Variants in PCDH15 observed in about 807,000 individuals in gnomAD.
PCDH15 encodes the protein protocadherin-15.
In PCDH15, 129 loss-of-function variants were observed where a neutral mutation model predicts 178.5. The ratio of observed to expected loss-of-function variants is 0.72; its 90% confidence interval spans 0.63 to 0.84. The LOEUF (loss-of-function observed/expected upper bound fraction) is 0.84. Ranked by LOEUF, PCDH15 falls within the 40% of genes least tolerant of loss-of-function variation. The pLI, the probability that PCDH15 is intolerant of heterozygous loss-of-function variation, is 0.00. For synonymous variants in PCDH15, 800 were observed against 732.0 expected (o/e 1.09, Z -1.50); for missense variants, 2,230 against 2,099.9 (o/e 1.06, Z -1.21).
chr10:55,295,440 T>A (rs1032619077), intron 1 of PCDH15, among the ~76,000 whole-genome samples: 2 of 152,206 alleles, frequency 1.3e-5, no homozygotes, highest in East Asian at 3.9e-4. Context: ...AAACCAGCAA[T>A]GTGATTAATA....
intron 8 of PCDH15, 94 bp downstream of exon 8, chr10:54,317,177 C>T: frequency 7.3e-7 from 1 of 1,361,746 alleles, no homozygotes; most frequent in Non-Finnish European, 1.0e-6. Context: ...CTGAGTTTTG[C>T]TATTATAAAT....
chr10:55,618,808 A>G (rs1031328178), intron 2 of PCDH15, among the ~76,000 whole-genome samples: 1 of 152,044 alleles, frequency 6.6e-6, no homozygotes, highest in Admixed American at 6.6e-5. Flanking sequence ...AAAAAGGCCT[A>G]TGAGATATCA....
At chr10:54,873,823 A>C (rs1177315730) in intron 3 of PCDH15, among the ~76,000 whole-genome samples, 1 of 149,052 alleles carries the variant, frequency 6.7e-6, no homozygotes, top group South Asian at 2.1e-4. Context: ...TAAGAAAAAT[A>C]ATAATTTAAT....
intron 13 of PCDH15, among the ~76,000 whole-genome samples, chr10:54,183,107 G>A (rs2048150102): frequency 6.6e-6 from 1 of 151,952 alleles, no homozygotes; most frequent in East Asian, 1.9e-4. Context: ...TCAGCCTCCT[G>A]AGTAGCTGGG....
chr10:54,976,849 A>G (rs1025214870), intron 2 of PCDH15, among the ~76,000 whole-genome samples: 1 of 152,132 alleles, frequency 6.6e-6, no homozygotes, highest in Non-Finnish European at 1.5e-5. Flanking sequence ...TTTAGGGAGG[A>G]ACTGTTATCC....
chr10:54,391,224 C>CA (rs1263986219), intron 3 of PCDH15, among the ~76,000 whole-genome samples: 6 of 152,176 alleles, frequency 3.9e-5, no homozygotes, highest in Admixed American at 3.9e-4. Context: ...TCTATACCTG[C>CA]ACTCATCCCA....
At chr10:54,295,376 TA>T (rs2059685747) in intron 8 of PCDH15, among the ~76,000 whole-genome samples, 2 of 152,264 alleles carry the variant, frequency 1.3e-5, no homozygotes, top group South Asian at 4.1e-4. Flanking sequence ...AATAAGGGAA[TA>T]AAAGCTGGCC....
At chr10:54,970,423 A>T (rs1335603885) in intron 2 of PCDH15, among the ~76,000 whole-genome samples, 2 of 152,188 alleles carry the variant, frequency 1.3e-5, no homozygotes, top group Non-Finnish European at 2.9e-5. Context: ...TCAGAAGAAA[A>T]GGAAAGCTGT....
At chr10:54,239,432 T>TATATAG (rs1554853331) in intron 8 of PCDH15, among the ~76,000 whole-genome samples, 3 of 150,560 alleles carry the variant, frequency 2.0e-5, no homozygotes, top group African/African-American at 7.3e-5. Context: ...TATATATATA[T>TATATAG]AGAGTAAGAA....
rs554885770 is a variant in PCDH15 at position 54,669,577 on chromosome 10, C to T, written c.-28-5287G>A. On this transcript the variant is annotated intron_variant, in intron 1 of 37. Transcript: ENST00000644397. ...TTTGCAATTTAAATTCAAGGGGTTC[C>T]GTTGTAGCTAATTTGAGGTAAGTTT... Among the ~76,000 whole-genome samples, 8 of 149,288 alleles carry T rather than the reference C, an allele frequency of 5.4e-5. No homozygotes were observed. The East Asian group carries it at 1.6e-3, about 29-fold the overall frequency.
chr10:54,936,298 CTTCT>C (rs1354438753), intron 2 of PCDH15, among the ~76,000 whole-genome samples: 1 of 151,992 alleles, frequency 6.6e-6, no homozygotes, highest in Admixed American at 6.6e-5. Context: ...GAACATTTGG[CTTCT>C]TTCTACTTTT....
At chr10:54,076,644 G>T (rs2094347606) in intron 17 of PCDH15, among the ~76,000 whole-genome samples, 1 of 151,752 alleles carries the variant, frequency 6.6e-6, no homozygotes, top group Non-Finnish European at 1.5e-5. Flanking sequence ...TAAATTACAT[G>T]ACACATGCAA....
chr10:54,714,783 C>CTATA (rs1236420243), intron 1 of PCDH15, among the ~76,000 whole-genome samples: 1 of 152,116 alleles, frequency 6.6e-6, no homozygotes, highest in African/African-American at 2.4e-5. Context: ...TATTCCCAAA[C>CTATA]TATAACCTTT....
rs866567362 is a variant in PCDH15, at chr10:55,285,676, G to T, written c.-156+33923C>A. On this transcript the variant is annotated intron_variant, in intron 1 of 5. Transcript: ENST00000458638. Reference sequence around the variant, plus strand: ...TGGGTAGTGAGGTGAAATATGAAACGTAAGTTCTCAACAAATGCTTGTTGA... The same window carrying T: ...TGGGTAGTGAGGTGAAATATGAAACTTAAGTTCTCAACAAATGCTTGTTGA... Among the ~76,000 whole-genome samples, 593 of 150,036 alleles carry T rather than the reference G, an allele frequency of 4.0e-3. 6 individuals are homozygous for T. The highest frequency in any genetic ancestry group is 0.014 in the African/African-American group (549 of 39,894).
chr10:54,481,942 T>C (rs139168233), intron 3 of PCDH15, among the ~76,000 whole-genome samples: 2,335 of 151,952 alleles, frequency 0.015, 68 homozygotes, highest in African/African-American at 0.054. Context: ...TAAAATTCAA[T>C]GTTAATACAG....
intron 18 of PCDH15, among the ~76,000 whole-genome samples, chr10:54,040,012 T>C (rs2093505769): frequency 6.6e-6 from 1 of 152,038 alleles, no homozygotes; most frequent in South Asian, 2.1e-4. Flanking sequence ...TATATATCCA[T>C]TGCACTCATT....
intron 8 of PCDH15, among the ~76,000 whole-genome samples, chr10:54,254,755 A>AC (rs1435759509): frequency 6.6e-6 from 1 of 152,188 alleles, no homozygotes. Flanking sequence ...GACTACTTTA[A>AC]CCACAGCAGG....
intron 2 of PCDH15, among the ~76,000 whole-genome samples, chr10:55,388,297 T>C (rs1430674528): frequency 6.6e-6 from 1 of 152,108 alleles, no homozygotes; most frequent in Non-Finnish European, 1.5e-5. Flanking sequence ...ATTGGATTCA[T>C]TCTAGATCTA....
At chr10:54,619,814 C>A (rs1042427930) in intron 2 of PCDH15, among the ~76,000 whole-genome samples, 1 of 151,938 alleles carries the variant, frequency 6.6e-6, no homozygotes, top group African/African-American at 2.4e-5. Context: ...TTCTAAAGTT[C>A]TTAATCTGTG....
Sources: gnomAD v4.1 joint callset for allele counts (sites outside exome capture counted in the v4.1 genomes callset) on GRCh38, gnomAD v4.1.1 for gene constraint, MANE v1.5 for transcripts, NCBI Gene and HGNC (gene_info 2026-07-23, HGNC 2026-07-21) for gene names.